The following SHC2 variants were observed in gnomAD, a reference collection of about 807,000 sequenced individuals.
The protein encoded by SHC2 is SHC-transforming protein 2.
Under a neutral mutation model 60.6 loss-of-function variants are expected in SHC2, and 62 were observed. The observed-to-expected ratio is 1.02, with a 90% CI of 0.83 to 1.26. The LOEUF is 1.26. Among genes scored for constraint, SHC2 ranks in the 50% most tolerant of loss-of-function variants. The pLI is 0.00. For synonymous variants in SHC2, 375 were observed against 372.4 expected (o/e 1.01, Z -0.08); for missense variants, 873 against 822.2 (o/e 1.06, Z -0.76).
chr19:429,243 A>G (rs546199042), intron 9 of SHC2, among the ~76,000 whole-genome samples: 144 of 145,426 alleles, frequency 9.9e-4, no homozygotes, highest in African/African-American at 3.5e-3. Flanking sequence ...ATGACACAGT[A>G]CCTATACCCA....
intron 1 of SHC2, among the ~76,000 whole-genome samples, chr19:452,714 T>C (rs575633724): frequency 1.3e-5 from 2 of 152,276 alleles, no homozygotes; most frequent in South Asian, 2.1e-4. Flanking sequence ...TAAATAGTGG[T>C]AGTTGATCGG....
intron 4 of SHC2, among the ~76,000 whole-genome samples, chr19:437,746 A>C (rs1199225649): frequency 1.3e-5 from 2 of 151,518 alleles, no homozygotes; most frequent in Admixed American, 6.6e-5. Flanking sequence ...CTGCCACCAC[A>C]CCAGCTCAGA....
intron 9 of SHC2, among the ~76,000 whole-genome samples, chr19:427,838 T>A (rs1391533830): frequency 1.8e-5 from 2 of 108,908 alleles, no homozygotes; most frequent in Non-Finnish European, 3.4e-5. Context: ...AAGGGGGAAC[T>A]GCACACGGCA....
chr19:435,239 T>C (rs1349412593), intron 7 of SHC2, among the ~76,000 whole-genome samples: 3 of 152,204 alleles, frequency 2.0e-5, no homozygotes, highest in Non-Finnish European at 4.4e-5. Flanking sequence ...GCCCCCGCCC[T>C]CTGGCCCCGA....
At chr19:418,701 AGGGGACAGGGAGTGACGGCTGGT>A (rs139471946) in intron 12 of SHC2, among the ~76,000 whole-genome samples, 199 bp downstream of exon 12, 6,533 of 151,968 alleles carry the variant, frequency 0.043, 448 homozygotes, top group African/African-American at 0.15. Flanking sequence ...GGAGCTGGGG[AGGGGACAGGGAGTGACGGCTGGT>A]GGGGACAGGG....
chr19:426,428 G>T (rs28582902), intron 9 of SHC2, among the ~76,000 whole-genome samples: 337 of 123,876 alleles, frequency 2.7e-3, no homozygotes, highest in African/African-American at 9.7e-3. Context: ...GGACGACACC[G>T]AGAGGGGCAG....
At chr19:454,504 G>A (rs1048348173) in intron 1 of SHC2, among the ~76,000 whole-genome samples, 2 of 152,124 alleles carry the variant, frequency 1.3e-5, no homozygotes, top group Non-Finnish European at 2.9e-5. Context: ...CAACAGAAAT[G>A]GGCCGGACGC....
At position 436,398 on chromosome 19, in the gene SHC2, C is replaced by T; in HGVS notation, c.808G>A (p.Asp270Asn). 1.3e-6 allele frequency: 2 copies of T among 1,593,938 alleles called. No homozygotes were observed. The highest frequency in any genetic ancestry group is 1.7e-6 in the Non-Finnish European group (2 of 1,167,554). ...MTDYVAYVAK[D>N]PINQRACHIL... Reference sequence around the variant, plus strand: ...GCCTCACCTCTCTGGTTGATGGGGTCCTTGGCGACGTAGGCCACGTAATCC... The same window carrying T: ...GCCTCACCTCTCTGGTTGATGGGGTTCTTGGCGACGTAGGCCACGTAATCC... Residue 270 changes from aspartate (D) to asparagine (N), a missense_variant, in exon 6 of 13, where the codon GAC (aspartate) becomes AAC (asparagine). Asp to Asn is a conservative substitution (Grantham distance 23). Transcript: ENST00000264554.
intron 4 of SHC2, among the ~76,000 whole-genome samples, chr19:437,256 T>TTGCGTGCTCGTC (rs952706253): frequency 3.3e-5 from 5 of 151,132 alleles, no homozygotes; most frequent in African/African-American, 4.9e-5. Context: ...GCGTGCTCGT[T>TTGCGTGCTCGTC]TGCGTGCTCG....
At chr19:460,366 G>GCAGCCGC (rs1219515197) in intron 1 of SHC2, among the ~76,000 whole-genome samples, 163 bp downstream of exon 1, 3 of 151,930 alleles carry the variant, frequency 2.0e-5, no homozygotes, top group African/African-American at 7.2e-5. Context: ...CCGGGTGGGG[G>GCAGCCGC]CAGCCGCCGG....
rs57825862 is a variant in SHC2 at position 453,619 on chromosome 19, G to A, written c.468+6910C>T. 1.6e-3 allele frequency among the ~76,000 whole-genome samples: 241 copies of A among 152,216 alleles called. 1 individual carries two copies. Among genetic ancestry groups the A allele is most frequent in the African/African-American group, 5.2e-3 (215 of 41,522 alleles). ...TGTCGAGCCATGGGATTCATCCACC[G>A]TGTCAACTGGCCACACCTGACCCCT... On this transcript the variant is annotated intron_variant, in intron 1 of 12. Coordinates refer to ENST00000264554, the MANE Select transcript of SHC2 (RefSeq NM_012435.3). The surrounding 1 kb of genome is among the most constrained non-coding windows in gnomAD (Gnocchi z 6.3).
At chr19:451,212 G>C (rs1975185148) in intron 1 of SHC2, among the ~76,000 whole-genome samples, 2 of 123,288 alleles carry the variant, frequency 1.6e-5, no homozygotes, top group Non-Finnish European at 3.9e-5. Flanking sequence ...TCAGCGTGTG[G>C]ATGGCCACGC....
At position 439,510 on chromosome 19, in the gene SHC2, G is replaced by A. The variant is rs151048896; in HGVS notation, c.540-480C>T. 46 of 187,232 alleles carry A rather than the reference G, an allele frequency of 2.5e-4. No homozygotes were observed. The East Asian group carries it at 6.2e-3, about 25-fold the overall frequency. 11.6% of individuals were successfully genotyped at this position (187,232 alleles called of 1,614,324 possible). ...GCAGGAGCTGACCCCAAACAAGAGC[G>A]CCTCAGACCACTGGTCCCCAGGAGA... On this transcript the variant is annotated intron_variant, in intron 2 of 12. Coordinates refer to ENST00000264554, the MANE Select transcript of SHC2 (RefSeq NM_012435.3).
Position 422,299 on chromosome 19 carries a change from G to T in SHC2, c.1467C>A (p.His489Gln). ...CTGCCGCCCGGCGGCTCATCCGGCC[G>T]TGGTACCAGGGCTCCTGACGCAGCT... ...EEQLRQEPWYHGRMSRRAAER... is the reference protein window; with the variant it reads ...EEQLRQEPWYQGRMSRRAAER... Residue 489 changes from histidine (H) to glutamine (Q), a missense_variant, in exon 11 of 13, where the codon CAC (histidine) becomes CAA (glutamine). Physicochemically the swap from His to Gln is conservative, Grantham distance 24. Transcript: ENST00000264554. This position sits in a 1 kb window ranked among gnomAD's most constrained non-coding sequence, Gnocchi z 5.0. The T allele has an allele frequency of 6.2e-7, 1 of 1,612,012 alleles. No individual in the cohort carries two copies. The highest frequency in any genetic ancestry group is 8.5e-7 in the Non-Finnish European group (1 of 1,179,544).
At chr19:436,996 C>T (rs531062158) in intron 4 of SHC2, among the ~76,000 whole-genome samples, 58 of 152,140 alleles carry the variant, frequency 3.8e-4, no homozygotes, top group Non-Finnish European at 5.9e-4. Context: ...CCTGCCCAGA[C>T]GCTCACACAC....
In SHC2 at chr19:430,670, C is replaced by T; in HGVS notation, c.1174+14G>A. The stretch of plus-strand genomic sequence containing the variant: ...ATCCTCGTGGGTACCCCTTGCAGCC[C>T]CAGCCCATCCTACCTGTACCGGTGG... On this transcript the variant is annotated intron_variant, in intron 9 of 12. Transcript: ENST00000264554. The T allele has an allele frequency of 1.2e-6, 2 of 1,611,686 alleles. No individual in the cohort carries two copies. The highest frequency in any genetic ancestry group is 1.7e-6 in the Non-Finnish European group (2 of 1,179,162).
intron 8 of SHC2, among the ~76,000 whole-genome samples, chr19:431,208 G>C (rs1419817437): frequency 6.6e-6 from 1 of 152,244 alleles, no homozygotes; most frequent in Non-Finnish European, 1.5e-5. Context: ...GTGTCTGAGG[G>C]TAGAAGTCAT....
At chr19:451,445 C>T (rs1033734643) in intron 1 of SHC2, among the ~76,000 whole-genome samples, 3 of 152,252 alleles carry the variant, frequency 2.0e-5, no homozygotes, top group African/African-American at 7.2e-5. Context: ...CAACAGACAC[C>T]TGGACTGTTT....
At chr19:418,735 C>T (rs1055703945) in intron 12 of SHC2, among the ~76,000 whole-genome samples, 188 bp downstream of exon 12, 16 of 151,718 alleles carry the variant, frequency 1.1e-4, no homozygotes, top group Middle Eastern at 3.2e-3. Context: ...GGGGACAGGG[C>T]TTCTTTCGGG....
Sources: gnomAD v4.1 joint callset for allele counts (sites outside exome capture counted in the v4.1 genomes callset) on GRCh38, gnomAD v4.1.1 for gene constraint, Gnocchi (gnomAD v3.1) non-coding constraint, MANE v1.5 for transcripts, NCBI Gene and HGNC (gene_info 2026-07-23, HGNC 2026-07-21) for gene names.